KRTAP10-9: variants seen among roughly 807,000 people sequenced by gnomAD.
KRTAP10-9 encodes keratin-associated protein 10-9.
KRTAP10-9 carries 1 observed loss-of-function variant against 0.5 expected under a neutral mutation model. The observed-to-expected ratio is 1.92, with a 90% CI of 0.68 to 9.09. The LOEUF is 9.09. KRTAP10-9 is among the 30% of genes most tolerant of loss of function. The pLI is 0.13. For missense variants in KRTAP10-9, 391 were observed against 376.4 expected (o/e 1.04, Z -0.32); for synonymous variants, 199 against 159.8 (o/e 1.25, Z -1.85).
rs1421270120 is a variant in KRTAP10-9 at position 44,628,073 on chromosome 21, C to T, written c.*23C>T. The T allele has an allele frequency of 3.5e-5, 56 of 1,596,418 alleles. No individual in the cohort carries two copies. Among genetic ancestry groups the T allele is most frequent in the Non-Finnish European group, 4.8e-5 (56 of 1,170,330 alleles). On this transcript the variant is annotated 3_prime_UTR_variant, in exon 1 of 1. Coordinates refer to ENST00000397911, the MANE Select transcript of KRTAP10-9 (RefSeq NM_198690.3). The stretch of plus-strand genomic sequence containing the variant: ...TGACGGTCATGTCCCCCAGGGCCAG[C>T]CGGGCTCAGGCCCCACCTCCCTGCC...
chr21:44,628,222 G>C lies in KRTAP10-9; in HGVS notation c.*172G>C, dbSNP rs1402577578. 9 of 743,760 alleles carry C rather than the reference G, an allele frequency of 1.2e-5. No individual in the cohort carries two copies. Among genetic ancestry groups the C allele is most frequent in the South Asian group, 3.8e-5 (2 of 53,240 alleles). 46.1% of individuals were successfully genotyped at this position (743,760 alleles called of 1,614,324 possible). A position where few individuals can be genotyped will look rare whatever the true frequency, so the allele number is the denominator to read the frequency against. On this transcript the variant is annotated 3_prime_UTR_variant, in exon 1 of 1. Transcript: ENST00000397911. The stretch of plus-strand genomic sequence containing the variant: ...CTGGCTCCTCCCTGACCTCCCCCCC[G>C]GGCAGGCGAGCCCTGGCTTCTCCTC...
rs782594027 is a variant in KRTAP10-9 at position 44,627,834 on chromosome 21, C to T, written c.663C>T (p.Thr221=). The T allele has an allele frequency of 2.5e-6, 4 of 1,613,970 alleles. No individual in the cohort carries two copies. The South Asian group carries it at 3.3e-5, about 13-fold the overall frequency. Residue 221 remains threonine, a synonymous_variant, in exon 1 of 1, where the codon ACC becomes ACT. Coordinates refer to ENST00000397911, the MANE Select transcript of KRTAP10-9 (RefSeq NM_198690.3). ...QQSGCQPACC[T]TSCCRPSSSV... is the part of the protein sequence containing the mutation. Reference sequence around the variant, plus strand: ...CTGGCTGCCAGCCGGCTTGCTGCACCACCTCCTGCTGCAGACCCTCCTCCT... The same window carrying T: ...CTGGCTGCCAGCCGGCTTGCTGCACTACCTCCTGCTGCAGACCCTCCTCCT...
At chr21:44,627,805 C>T in intron 1 of KRTAP10-9, 1 of 1,605,544 alleles carries the variant, frequency 6.2e-7, no homozygotes, top group East Asian at 2.2e-5. Flanking sequence ...GTGCTGCCAG[C>T]AGTCTGGCTG....
rs201142320 is a variant in KRTAP10-9 at position 44,627,583 on chromosome 21, C to T, written c.412C>T (p.Pro138Ser). The change falls in exon 1 of 1, where the codon CCG becomes TCG. Residue 138 changes from proline to serine, a missense_variant. Pro to Ser is a moderately conservative substitution (Grantham distance 74). Transcript: ENST00000397911. ...PACCASSSCQ[P>S]ACCVPVCCKP... ...TTGCTGTGCCTCTTCCTCCTGCCAG[C>T]CGGCCTGCTGTGTGCCCGTCTGCTG... 136 of 1,613,514 alleles carry T rather than the reference C, an allele frequency of 8.4e-5. No individual in the cohort carries two copies. The African/African-American group carries it at 1.8e-3, about 21-fold the overall frequency.
rs782207672 is a variant in KRTAP10-9, at chr21:44,627,855, C to T, written c.684C>T (p.Ser228=). Residue 228 remains serine, a synonymous_variant, in exon 1 of 1, where the codon TCC becomes TCT. Coordinates refer to ENST00000397911, the MANE Select transcript of KRTAP10-9 (RefSeq NM_198690.3). ...GCACCACCTCCTGCTGCAGACCCTC[C>T]TCCTCTGTGTCCCTCCTCTGCCGCC... is the stretch of plus-strand genomic sequence containing the variant. ...ACCTTSCCRP[S]SSVSLLCRPV... 1 of 1,613,926 alleles carries T rather than the reference C, an allele frequency of 6.2e-7. No homozygotes were observed. The highest frequency in any genetic ancestry group is 2.2e-5 in the East Asian group (1 of 44,868).
At position 44,628,229 on chromosome 21, in the gene KRTAP10-9, C is replaced by G. The variant is rs587705618; in HGVS notation, c.*179C>G. On this transcript the variant is annotated 3_prime_UTR_variant, in exon 1 of 1. Coordinates refer to ENST00000397911, the MANE Select transcript of KRTAP10-9 (RefSeq NM_198690.3). The stretch of plus-strand genomic sequence containing the variant: ...CTCCCTGACCTCCCCCCCGGGCAGG[C>G]GAGCCCTGGCTTCTCCTCACGGTGC... The G allele has an allele frequency of 1.5e-6, 1 of 679,246 alleles. No individual in the cohort carries two copies. 42.1% of individuals were successfully genotyped at this position (679,246 alleles called of 1,614,324 possible).
rs782778184 is a variant in KRTAP10-9, at chr21:44,627,796, TGCTGCCAGCAGTCTG to T, written c.635_649del (p.Gln212_Gln216del). ...TGTCTGCTCTGGGGCTTCCTCTTTG[TGCTGCCAGCAGTCTG>T]GCTGCCAGCCGGCTTGCTGCACCAC... On this transcript the variant is annotated inframe_deletion, in exon 1 of 1. Coordinates refer to ENST00000397911, the MANE Select transcript of KRTAP10-9 (RefSeq NM_198690.3). 6.2e-7 allele frequency: 1 copy of T among 1,600,668 alleles called. No individual in the cohort carries two copies. The highest frequency in any genetic ancestry group is 8.5e-7 in the Non-Finnish European group (1 of 1,171,928).
At position 44,627,327 on chromosome 21, in the gene KRTAP10-9, T is replaced by C. The variant is rs373342062; in HGVS notation, c.156T>C (p.Arg52=). Residue 52 remains arginine, a synonymous_variant, in exon 1 of 1, where the codon CGT becomes CGC. Transcript: ENST00000397911. Reference sequence around the variant, plus strand: ...CCCTGGTCTGCACCCCAGTGAGCCGTGTATCCAGCCCCTGCTGCCAGGTGA... The same window carrying C: ...CCCTGGTCTGCACCCCAGTGAGCCGCGTATCCAGCCCCTGCTGCCAGGTGA... ...CLTLVCTPVS[R]VSSPCCQVTC... The C allele has an allele frequency of 9.3e-6, 15 of 1,613,064 alleles. No individual in the cohort carries two copies. The highest frequency in any genetic ancestry group is 1.3e-5 in the Non-Finnish European group (15 of 1,179,954).
In KRTAP10-9 at chr21:44,628,105, T is replaced by C; in HGVS notation, c.*55T>C. On this transcript the variant is annotated 3_prime_UTR_variant, in exon 1 of 1. Coordinates refer to ENST00000397911, the MANE Select transcript of KRTAP10-9 (RefSeq NM_198690.3). ...CAGGCCCCACCTCCCTGCCAGTCCT[T>C]GGACCTCCCAGCCCACCCAGCCTCA... 1 of 1,569,128 alleles carries C rather than the reference T, an allele frequency of 6.4e-7. No individual in the cohort carries two copies. Among genetic ancestry groups the C allele is most frequent in the Non-Finnish European group, 8.7e-7 (1 of 1,155,174 alleles).
Position 44,627,207 on chromosome 21 carries a change from T to A in KRTAP10-9, c.36T>A (p.Ala12=). The change falls in exon 1 of 1, where the codon GCT becomes GCA. Residue 12 remains alanine, a synonymous_variant. Transcript: ENST00000397911. The part of the protein sequence containing the change: ...AASTMSIRSS[A]YSDSWQVDDC... ...CCACCATGTCCATCCGCTCCAGCGC[T>A]TACTCCGACTCCTGGCAGGTGGACG... 1 of 1,612,958 alleles carries A rather than the reference T, an allele frequency of 6.2e-7. No homozygotes were observed. The highest frequency in any genetic ancestry group is 8.5e-7 in the Non-Finnish European group (1 of 1,179,972).
rs587679038 is a variant in KRTAP10-9 at position 44,628,108 on chromosome 21, A to G, written c.*58A>G. 2.6e-6 allele frequency: 4 copies of G among 1,565,080 alleles called. No individual in the cohort carries two copies. The Admixed American group carries it at 5.2e-5, about 20-fold the overall frequency. On this transcript the variant is annotated 3_prime_UTR_variant, in exon 1 of 1. Transcript: ENST00000397911. ...GCCCCACCTCCCTGCCAGTCCTTGG[A>G]CCTCCCAGCCCACCCAGCCTCAGCA... is the stretch of plus-strand genomic sequence containing the variant.
In KRTAP10-9 at chr21:44,627,693, T is replaced by G. The variant is rs369253717; in HGVS notation, c.522T>G (p.Thr174=). The change falls in exon 1 of 1, where the codon ACT becomes ACG. Residue 174 remains threonine (T), a synonymous_variant. Coordinates refer to ENST00000397911, the MANE Select transcript of KRTAP10-9 (RefSeq NM_198690.3). ...QQSSCQPACC[T]SSPCQQSYCV... ...CTAGCTGCCAGCCAGCTTGCTGCAC[T>G]TCCTCCCCCTGCCAGCAGTCCTACT... 87 of 1,597,118 alleles carry G rather than the reference T, an allele frequency of 5.4e-5. 1 individual carries two copies. Among genetic ancestry groups the G allele is most frequent in the Non-Finnish European group, 7.3e-5 (85 of 1,171,968 alleles).
At position 44,627,619 on chromosome 21, in the gene KRTAP10-9, T is replaced by A. The variant is rs782426833; in HGVS notation, c.448T>A (p.Cys150Ser). 1.2e-4 allele frequency: 187 copies of A among 1,612,694 alleles called. No homozygotes were observed. The highest frequency in any genetic ancestry group is 1.5e-4 in the Non-Finnish European group (180 of 1,179,432). Reference protein sequence around the residue: ...CCVPVCCKPVCCAPTCSEDSY... With the variant: ...CCVPVCCKPVSCAPTCSEDSY... Reference sequence around the variant, plus strand: ...TGTGCCCGTCTGCTGCAAACCTGTGTGCTGTGCGCCCACCTGCTCTGAGGA... The same window carrying A: ...TGTGCCCGTCTGCTGCAAACCTGTGAGCTGTGCGCCCACCTGCTCTGAGGA... Residue 150 changes from cysteine (C) to serine (S), a missense_variant, in exon 1 of 1, where the codon TGC becomes AGC. Physicochemically the swap from Cys to Ser is moderately radical, Grantham distance 112 (BLOSUM62 -1). Transcript: ENST00000397911.
In KRTAP10-9 at chr21:44,627,441, C is replaced by T. The variant is rs782079365; in HGVS notation, c.270C>T (p.Cys90=). 3 of 1,613,578 alleles carry T rather than the reference C, an allele frequency of 1.9e-6. No homozygotes were observed. In the East Asian group the frequency reaches 6.7e-5, roughly 36 times the overall value. ...AGTCTAGCTGCCAGCCGGCTTACTG[C>T]ACCTCCTCCCCCTGCCAGCAGGCCT... ...CQQSSCQPAY[C]TSSPCQQACC... is the part of the protein sequence containing the mutation. Residue 90 remains cysteine, a synonymous_variant, in exon 1 of 1, where the codon TGC becomes TGT. Coordinates refer to ENST00000397911, the MANE Select transcript of KRTAP10-9 (RefSeq NM_198690.3).
rs1555934513 is a variant in KRTAP10-9, at chr21:44,627,134, C to T, written c.-38C>T. The T allele has an allele frequency of 5.7e-6, 9 of 1,587,656 alleles. No homozygotes were observed. Among genetic ancestry groups the T allele is most frequent in the Non-Finnish European group, 7.7e-6 (9 of 1,162,844 alleles). On this transcript the variant is annotated 5_prime_UTR_variant, in exon 1 of 1. Coordinates refer to ENST00000397911, the MANE Select transcript of KRTAP10-9 (RefSeq NM_198690.3). ...ACTCACTGACACACTCACACACTCA[C>T]TTACACCTCCCCCAGCTCACCTCCT...
Position 44,627,914 on chromosome 21 carries a change from C to T in KRTAP10-9, c.743C>T (p.Ser248Phe). 5 of 1,519,602 alleles carry T rather than the reference C, an allele frequency of 3.3e-6. No homozygotes were observed. The highest frequency in any genetic ancestry group is 1.4e-5 in the African/African-American group (1 of 72,690). The allele number at this position is 1,519,602 out of a possible 1,614,324, so 94.1% of individuals were successfully genotyped here. A position where few individuals can be genotyped will look rare whatever the true frequency, so the allele number is the denominator to read the frequency against. The change falls in exon 1 of 1, where the codon TCC becomes TTC. Residue 248 changes from serine to phenylalanine, a missense_variant. Transcript: ENST00000397911. The stretch of plus-strand genomic sequence containing the variant: ...AGGCCCGCCTGCTGCGTGCCCGTCT[C>T]CTCCTGCTGTGCCCCCACCTCCTCC... ...VCRPACCVPV[S>F]SCCAPTSSRQ...
Position 44,627,202 on chromosome 21 carries a change from A to G in KRTAP10-9, c.31A>G (p.Ser11Gly). Reference protein sequence around the residue: MAASTMSIRSSAYSDSWQVDD... With the variant: MAASTMSIRSGAYSDSWQVDD... ...CGCGTCCACCATGTCCATCCGCTCC[A>G]GCGCTTACTCCGACTCCTGGCAGGT... The change falls in exon 1 of 1, where the codon AGC becomes GGC. Residue 11 changes from serine (S) to glycine (G), a missense_variant. Physicochemically the swap from Ser to Gly is moderately conservative, Grantham distance 56 (BLOSUM62 0). Transcript: ENST00000397911. The G allele has an allele frequency of 1.9e-6, 3 of 1,612,636 alleles. No homozygotes were observed. The highest frequency in any genetic ancestry group is 2.5e-6 in the Non-Finnish European group (3 of 1,179,880).
At position 44,628,187 on chromosome 21, in the gene KRTAP10-9, C is replaced by T. The variant is rs1555935006; in HGVS notation, c.*137C>T. 1.8e-6 allele frequency: 2 copies of T among 1,081,628 alleles called. 1 individual carries two copies. The highest frequency in any genetic ancestry group is 3.3e-5 in the African/African-American group (2 of 60,424). 67.0% of individuals were successfully genotyped at this position (1,081,628 alleles called of 1,614,324 possible). The stretch of plus-strand genomic sequence containing the variant: ...CCACAGCCGCCCAGCCCCGGGGTCT[C>T]AGATGCTCACTGGCTCCTCCCTGAC... On this transcript the variant is annotated 3_prime_UTR_variant, in exon 1 of 1. Transcript: ENST00000397911.
In KRTAP10-9 at chr21:44,628,296, G is replaced by GTTGA; in HGVS notation, c.*246_*247insTTGA. The GTTGA allele has an allele frequency of 3.0e-6, 1 of 337,158 alleles. No homozygotes were observed. The highest frequency in any genetic ancestry group is 5.6e-6 in the Non-Finnish European group (1 of 179,552). 20.9% of individuals were successfully genotyped at this position (337,158 alleles called of 1,614,324 possible). A position where few individuals can be genotyped will look rare whatever the true frequency, so the allele number is the denominator to read the frequency against. On this transcript the variant is annotated 3_prime_UTR_variant, in exon 1 of 1. Coordinates refer to ENST00000397911, the MANE Select transcript of KRTAP10-9 (RefSeq NM_198690.3). The stretch of plus-strand genomic sequence containing the variant: ...ACAACCCTCCGCTGGTCGCTGGTTG[G>GTTGA]GGACGGGCCCTCCTGACCCGGGTCT...
Sources: gnomAD v4.1 joint callset for allele counts on GRCh38, gnomAD v4.1.1 for gene constraint, MANE v1.5 for transcripts, NCBI Gene and HGNC (gene_info 2026-07-23, HGNC 2026-07-21) for gene names.